The following EPB41L2 variants were observed in gnomAD, a reference collection of about 807,000 sequenced individuals.
EPB41L2 encodes the protein band 4.1-like protein 2.
EPB41L2 carries 43 observed loss-of-function variants against 113.0 expected under a neutral mutation model. The ratio of observed to expected loss-of-function variants is 0.38; its 90% CI spans 0.30 to 0.49. EPB41L2 has a LOEUF of 0.49. Ranked by LOEUF, EPB41L2 falls within the 20% of genes least tolerant of loss-of-function variation. EPB41L2 has a pLI of 0.95. For synonymous variants in EPB41L2, 442 were observed against 436.7 expected (o/e 1.01, Z -0.15); for missense variants, 1,147 against 1,223.4 (o/e 0.94, Z 0.93).
chr6:130,879,902 AT>A (rs2128464569), intron 13 of EPB41L2, among the ~76,000 whole-genome samples: 1 of 152,278 alleles, frequency 6.6e-6, no homozygotes, highest in South Asian at 2.1e-4. Context: ...TAAAAACTTG[AT>A]TCATTTGACT....
At chr6:131,036,492 G>C (rs1793341983) in intron 1 of EPB41L2, among the ~76,000 whole-genome samples, 1 of 152,164 alleles carries the variant, frequency 6.6e-6, no homozygotes, top group Non-Finnish European at 1.5e-5. Flanking sequence ...GGAAGAGTAA[G>C]AGGATGAAAA....
At chr6:130,859,543 T>C (rs924513522) in intron 18 of EPB41L2, among the ~76,000 whole-genome samples, 4 of 151,330 alleles carry the variant, frequency 2.6e-5, no homozygotes, top group African/African-American at 9.7e-5. Context: ...GAAAGAATGC[T>C]AAAACAAAGA....
At chr6:130,851,875 T>C (rs1421773333) in intron 19 of EPB41L2, among the ~76,000 whole-genome samples, 1 of 152,106 alleles carries the variant, frequency 6.6e-6, no homozygotes, top group Non-Finnish European at 1.5e-5. Flanking sequence ...CTTTATGGCC[T>C]CTGTTTCCCA....
chr6:130,910,269 G>A (rs190378379), intron 4 of EPB41L2, among the ~76,000 whole-genome samples: 2 of 152,294 alleles, frequency 1.3e-5, no homozygotes, highest in African/African-American at 4.8e-5. Flanking sequence ...ACAAAAACAA[G>A]CAATGAGGAA....
chr6:130,972,691 C>A (rs1777142374), intron 1 of EPB41L2, among the ~76,000 whole-genome samples: 1 of 152,044 alleles, frequency 6.6e-6, no homozygotes, highest in East Asian at 1.9e-4. Flanking sequence ...TTCACATTCA[C>A]CTACAGCAAA....
chr6:131,053,947 T>C (rs1352905041), intron 1 of EPB41L2, among the ~76,000 whole-genome samples: 1 of 152,226 alleles, frequency 6.6e-6, no homozygotes, highest in African/African-American at 2.4e-5. Flanking sequence ...ATGGCCAGCA[T>C]GGCCACAAAC....
At chr6:131,008,847 G>A (rs1272915699) in intron 1 of EPB41L2, among the ~76,000 whole-genome samples, 1 of 152,126 alleles carries the variant, frequency 6.6e-6, no homozygotes, top group Non-Finnish European at 1.5e-5. Flanking sequence ...CGTTTGGAAT[G>A]GTAAATACCC....
intron 1 of EPB41L2, among the ~76,000 whole-genome samples, chr6:130,992,486 T>G (rs1295908676): frequency 6.6e-6 from 1 of 152,178 alleles, no homozygotes; most frequent in African/African-American, 2.4e-5. Context: ...ATTCATTAAG[T>G]GGTGTACAGC....
intron 3 of EPB41L2, among the ~76,000 whole-genome samples, chr6:130,937,739 C>A (rs1247860546): frequency 6.7e-6 from 1 of 149,794 alleles, no homozygotes; most frequent in African/African-American, 2.5e-5. Flanking sequence ...TTGCTTGAAC[C>A]AGGACAGCAA....
intron 1 of EPB41L2, among the ~76,000 whole-genome samples, chr6:131,054,941 A>G (rs2128204056): frequency 6.6e-6 from 1 of 152,338 alleles, no homozygotes; most frequent in East Asian, 1.9e-4. Flanking sequence ...ACCTAATCAC[A>G]AGAAACACTG....
chr6:130,956,288 C>T lies in EPB41L2; in HGVS notation c.198G>A (p.Lys66=). 6.2e-7 allele frequency: 1 copy of T among 1,614,138 alleles called. No homozygotes were observed. Residue 66 remains lysine, a synonymous_variant, in exon 2 of 20, where the codon AAG becomes AAA. Coordinates refer to ENST00000337057, the MANE Select transcript of EPB41L2 (RefSeq NM_001431.4). ...AAATACCCCTGCTCTCCGATGTTTCCTTCTCTCTCTTCTGGCGGCGTAGAC... is the reference window on the plus strand; with the variant it reads ...AAATACCCCTGCTCTCCGATGTTTCTTTCTCTCTCTTCTGGCGGCGTAGAC... ...QSSLRRQKRE[K]ETSESRGISR...
At chr6:131,020,893 G>A (rs1051957827) in intron 1 of EPB41L2, among the ~76,000 whole-genome samples, 5 of 152,100 alleles carry the variant, frequency 3.3e-5, no homozygotes, top group South Asian at 2.1e-4. Flanking sequence ...GGGCTCAAGC[G>A]ATCCTCCCGC....
chr6:131,023,205 T>G (rs1443037000), intron 1 of EPB41L2, among the ~76,000 whole-genome samples: 1 of 152,260 alleles, frequency 6.6e-6, no homozygotes, highest in Non-Finnish European at 1.5e-5. Context: ...GTGACTACTA[T>G]GTAATAAATG....
intron 1 of EPB41L2, among the ~76,000 whole-genome samples, chr6:131,049,156 T>C (rs2128194234): frequency 6.6e-6 from 1 of 152,360 alleles, no homozygotes; most frequent in Non-Finnish European, 1.5e-5. Context: ...TCAACGTACC[T>C]TTATTTTCCT....
intron 1 of EPB41L2, among the ~76,000 whole-genome samples, chr6:131,058,970 C>G (rs1798134030): frequency 6.6e-6 from 1 of 152,186 alleles, no homozygotes; most frequent in African/African-American, 2.4e-5. Flanking sequence ...GAGCCAAGAT[C>G]ACGTCACTGC....
intron 1 of EPB41L2, among the ~76,000 whole-genome samples, chr6:130,981,442 C>T (rs1010781899): frequency 1.3e-5 from 2 of 152,230 alleles, no homozygotes; most frequent in Non-Finnish European, 1.5e-5. Flanking sequence ...CAATAAAATG[C>T]CAGTTTAAAA....
chr6:130,900,758 C>T (rs1796058257), intron 7 of EPB41L2, among the ~76,000 whole-genome samples: 1 of 152,158 alleles, frequency 6.6e-6, no homozygotes, highest in African/African-American at 2.4e-5. Flanking sequence ...TACAGTCTTA[C>T]AAGTATAGTT....
intron 1 of EPB41L2, among the ~76,000 whole-genome samples, chr6:130,982,515 G>A (rs1167882822): frequency 6.6e-6 from 1 of 152,080 alleles, no homozygotes; most frequent in Non-Finnish European, 1.5e-5. Flanking sequence ...AAAAAATAGG[G>A]GGAAATAAAG....
At chr6:130,916,687 C>T (rs1801208703) in intron 4 of EPB41L2, among the ~76,000 whole-genome samples, 1 of 152,172 alleles carries the variant, frequency 6.6e-6, no homozygotes, top group African/African-American at 2.4e-5. Flanking sequence ...ACAGTTTATC[C>T]CTACATCAAT....
Sources: allele counts gnomAD v4.1 joint callset (sites outside exome capture counted in the v4.1 genomes callset), GRCh38; gene constraint gnomAD v4.1.1; transcripts MANE v1.5; gene names NCBI Gene and HGNC (gene_info 2026-07-23, HGNC 2026-07-21).